The following HFM1 variants were observed in gnomAD, a reference collection of about 807,000 sequenced individuals.
HFM1 encodes probable ATP-dependent DNA helicase HFM1.
Under a neutral mutation model 192.1 loss-of-function variants are expected in HFM1, and 169 were observed. The observed-to-expected ratio is 0.88, with a 90% CI of 0.78 to 1.00. HFM1 has a LOEUF of 1.00. Ranked by LOEUF, HFM1 falls within the 50% of genes least tolerant of loss-of-function variation. The probability of loss-of-function intolerance (pLI) is 0.00; values close to 1 mark genes in which losing one functional copy is unlikely to be tolerated. For synonymous variants in HFM1, 525 were observed against 537.8 expected (o/e 0.98, Z 0.33); for missense variants, 1,661 against 1,668.0 (o/e 1.00, Z 0.07).
At chr1:91,266,427 T>G (rs1665770724) in intron 35 of HFM1, among the ~76,000 whole-genome samples, 1 of 152,208 alleles carries the variant, frequency 6.6e-6, no homozygotes, top group Non-Finnish European at 1.5e-5. Flanking sequence ...TGGTATTCAC[T>G]GTGGAACTGA....
intron 20 of HFM1, among the ~76,000 whole-genome samples, chr1:91,336,056 C>T (rs1461230344): frequency 6.7e-6 from 1 of 149,100 alleles, no homozygotes; most frequent in Admixed American, 6.7e-5. Flanking sequence ...ATCCCTCCTG[C>T]CCTCCCCTCC....
upstream of HFM1, among the ~76,000 whole-genome samples, chr1:91,406,817 C>T (rs11166001): frequency 0.29 from 43,542 of 151,998 alleles, 6,298 homozygotes; most frequent in South Asian, 0.41. Flanking sequence ...GGAAATGATC[C>T]TAAGGGCAAA....
chr1:91,310,961 G>A (rs1265416976), intron 30 of HFM1, among the ~76,000 whole-genome samples: 1 of 152,202 alleles, frequency 6.6e-6, no homozygotes, highest in East Asian at 1.9e-4. Flanking sequence ...CAAATATGTG[G>A]AAGCGACTTT....
At chr1:91,397,877 C>T (rs1663852363) in intron 2 of HFM1, among the ~76,000 whole-genome samples, 1 of 152,122 alleles carries the variant, frequency 6.6e-6, no homozygotes, top group African/African-American at 2.4e-5. Flanking sequence ...GAAATGTTGC[C>T]AAAGAAGGGA....
At chr1:91,337,733 A>G (rs1249794809) in intron 20 of HFM1, among the ~76,000 whole-genome samples, 2 of 152,204 alleles carry the variant, frequency 1.3e-5, no homozygotes, top group East Asian at 3.8e-4. Flanking sequence ...AAGAAATTAC[A>G]TGTACAAATA....
chr1:91,350,256 T>C (rs1656748016), intron 18 of HFM1, among the ~76,000 whole-genome samples: 2 of 152,016 alleles, frequency 1.3e-5, no homozygotes, highest in Admixed American at 1.3e-4. Flanking sequence ...AATGAATGAG[T>C]GAAAAAACCC....
At position 91,271,073 on chromosome 1, in the gene HFM1, C is replaced by A. The variant is rs116927479; in HGVS notation, c.3772+2639G>T. On this transcript the variant is annotated intron_variant, in intron 34 of 38. Transcript: ENST00000370425. ...CAATTCTACTGGATCCTAGTAAGGCCGTTATTCATGGTGCCCTGCCTTCTC... is the reference window on the plus strand; with the variant it reads ...CAATTCTACTGGATCCTAGTAAGGCAGTTATTCATGGTGCCCTGCCTTCTC... 7.2e-5 allele frequency among the ~76,000 whole-genome samples: 11 copies of A among 152,066 alleles called. No individual in the cohort carries two copies. In the East Asian group the frequency reaches 2.1e-3, roughly 30 times the overall value.
chr1:91,360,070 C>T (rs948297998), intron 13 of HFM1, among the ~76,000 whole-genome samples: 2 of 152,154 alleles, frequency 1.3e-5, no homozygotes, highest in African/African-American at 4.8e-5. Context: ...ACAGCAAATG[C>T]TGAGGGAAGT....
intron 25 of HFM1, among the ~76,000 whole-genome samples, chr1:91,318,670 G>A (rs927786798): frequency 2.0e-5 from 3 of 152,072 alleles, no homozygotes; most frequent in Non-Finnish European, 2.9e-5. Flanking sequence ...GACATAAAGA[G>A]GTGACATAAT....
intron 30 of HFM1, among the ~76,000 whole-genome samples, chr1:91,285,481 G>C (rs868076669): frequency 6.6e-6 from 1 of 152,104 alleles, no homozygotes; most frequent in African/African-American, 2.4e-5. Flanking sequence ...TTTTGAAAAG[G>C]CCCAAATTTG....
chr1:91,328,690 C>T (rs555578227), intron 20 of HFM1: 19 of 1,599,300 alleles, frequency 1.2e-5, no homozygotes, highest in African/African-American at 1.1e-4. Flanking sequence ...CAGTGAACTG[C>T]GGGGCTGAGG....
chr1:91,292,636 T>C (rs1668909035), intron 30 of HFM1, among the ~76,000 whole-genome samples: 1 of 151,888 alleles, frequency 6.6e-6, no homozygotes, highest in African/African-American at 2.4e-5. Flanking sequence ...CCCAAGGTAA[T>C]TTACAGATTC....
At chr1:91,288,271 G>T (rs1438570854) in intron 30 of HFM1, among the ~76,000 whole-genome samples, 1 of 151,990 alleles carries the variant, frequency 6.6e-6, no homozygotes, top group East Asian at 1.9e-4. Flanking sequence ...GAGAAAGGTC[G>T]GGTTACCCTC....
chr1:91,363,635 C>T (rs1041924758), intron 13 of HFM1, among the ~76,000 whole-genome samples: 2 of 152,084 alleles, frequency 1.3e-5, no homozygotes, highest in African/African-American at 4.8e-5. Flanking sequence ...GGCAATTCCT[C>T]AAAGACCTAC....
intron 20 of HFM1, among the ~76,000 whole-genome samples, chr1:91,339,706 A>C (rs1365477105): frequency 2.6e-5 from 4 of 152,134 alleles, no homozygotes; most frequent in African/African-American, 9.7e-5. Flanking sequence ...AGAGAGAGAG[A>C]GCAAGAAACT....
intron 23 of HFM1, 119 bp from the exon 24 acceptor site, chr1:91,319,509 C>A: frequency 1.6e-6 from 1 of 615,154 alleles, no homozygotes; most frequent in Non-Finnish European, 2.9e-6. Context: ...TTCTGCAATA[C>A]TACATGATTA....
chr1:91,338,862 A>G (rs1654952236), intron 20 of HFM1: 23 of 451,960 alleles, frequency 5.1e-5, no homozygotes, highest in South Asian at 3.6e-4. Flanking sequence ...GGCATTACAC[A>G]TGAGTGCGTA....
intron 30 of HFM1, among the ~76,000 whole-genome samples, chr1:91,277,332 G>A (rs962431852): frequency 6.6e-6 from 1 of 150,778 alleles, no homozygotes; most frequent in African/African-American, 2.4e-5. Flanking sequence ...AGATCCTCCT[G>A]TTTCAGCCTT....
chr1:91,365,087 C>T lies in HFM1; in HGVS notation c.1685+10271G>A, dbSNP rs572541992. On this transcript the variant is annotated intron_variant, in intron 13 of 38. Transcript: ENST00000370425. ...TTGCTAAGACACTAACTGAAATAAG[C>T]CAGTCACAGAAAGAAAAATATTGTA... Among the ~76,000 whole-genome samples the T allele has an allele frequency of 7.2e-5, 11 of 151,982 alleles. 1 individual carries two copies. Among genetic ancestry groups the T allele is most frequent in the African/African-American group, 2.7e-4 (11 of 41,418 alleles).
Sources: gnomAD v4.1 joint callset for allele counts (sites outside exome capture counted in the v4.1 genomes callset) on GRCh38, gnomAD v4.1.1 for gene constraint, MANE v1.5 for transcripts, NCBI Gene and HGNC (gene_info 2026-07-23, HGNC 2026-07-21) for gene names.